NUP210L: variants seen among roughly 807,000 people sequenced by gnomAD.
NUP210L encodes nuclear pore membrane glycoprotein 210-like.
NUP210L carries 74 observed loss-of-function variants against 208.5 expected under a neutral mutation model. The observed-to-expected ratio is 0.35, with a 90% CI of 0.29 to 0.43. The LOEUF (loss-of-function observed/expected upper bound fraction) is 0.43, where lower values mean the gene tolerates loss of function less well. Ranked by LOEUF, NUP210L falls within the 20% of genes least tolerant of loss-of-function variation. The pLI is 1.00. For synonymous variants in NUP210L, 780 were observed against 816.9 expected (o/e 0.95, Z 0.77); for missense variants, 1,843 against 2,289.4 (o/e 0.81, Z 3.98).
At chr1:154,052,361 C>G (rs1330574271) in intron 25 of NUP210L, among the ~76,000 whole-genome samples, 1 of 152,160 alleles carries the variant, frequency 6.6e-6, no homozygotes, top group Non-Finnish European at 1.5e-5. Context: ...CTGGTTGCAG[C>G]CATGTCAAGA....
chr1:154,068,836 A>G (rs555137815), intron 17 of NUP210L, among the ~76,000 whole-genome samples: 203 of 151,934 alleles, frequency 1.3e-3, no homozygotes, highest in African/African-American at 4.8e-3. Context: ...GGGGTGGGGG[A>G]AGGGGGGAGG....
At chr1:154,091,647 C>G (rs1243310702) in intron 15 of NUP210L, among the ~76,000 whole-genome samples, 5 of 151,272 alleles carry the variant, frequency 3.3e-5, no homozygotes, top group Non-Finnish European at 7.4e-5. Flanking sequence ...ATTACAGGTG[C>G]CCACCACCAC....
intron 27 of NUP210L, among the ~76,000 whole-genome samples, chr1:154,031,073 C>T (rs1440310873): frequency 6.6e-6 from 1 of 151,978 alleles, no homozygotes; most frequent in African/African-American, 2.4e-5. Flanking sequence ...GTTACAGACA[C>T]AATTATACTC....
At chr1:154,136,447 G>A (rs997999455) in intron 6 of NUP210L, among the ~76,000 whole-genome samples, 8 of 150,016 alleles carry the variant, frequency 5.3e-5, no homozygotes, top group Non-Finnish European at 8.9e-5. Flanking sequence ...GCATAACTCC[G>A]TCTCAAAATA....
intron 33 of NUP210L, among the ~76,000 whole-genome samples, chr1:154,014,435 A>ACT (rs1257675056): frequency 6.6e-6 from 1 of 151,212 alleles, no homozygotes; most frequent in East Asian, 1.9e-4. Context: ...TTTTTCTAGT[A>ACT]CTCTTTTCAT....
In NUP210L at chr1:154,140,350, CA is replaced by C. The variant is rs375907073; in HGVS notation, c.567-399del. 8.9e-3 allele frequency among the ~76,000 whole-genome samples: 634 copies of C among 71,568 alleles called. 5 individuals are homozygous for C. The highest frequency in any genetic ancestry group is 0.027 in the African/African-American group (477 of 17,696). The allele number at this position is 71,568 out of a possible 152,430, so 47.0% of individuals were successfully genotyped here. ...TGGGTGACAGAGCAAGACTCCGTCTCAAAAAAAAAAAAAAAAGAAAAAGAAA... is the reference window on the plus strand; with the variant it reads ...TGGGTGACAGAGCAAGACTCCGTCTCAAAAAAAAAAAAAAAGAAAAAGAAA... On this transcript the variant is annotated intron_variant, in intron 4 of 39. Coordinates refer to ENST00000368559, the Ensembl canonical transcript of NUP210L.
chr1:154,154,740 C>T, intron 1 of NUP210L, 102 bp downstream of exon 1: 4 of 929,722 alleles, frequency 4.3e-6, no homozygotes, highest in Non-Finnish European at 6.8e-6. Context: ...CCCCTTCACG[C>T]GGCCCCACAC....
At chr1:154,114,775 A>C (rs897357695) in intron 12 of NUP210L, among the ~76,000 whole-genome samples, 4 of 70,308 alleles carry the variant, frequency 5.7e-5, no homozygotes, top group Non-Finnish European at 1.1e-4. Context: ...TTTTTTTAAG[A>C]GATGGGGGGG....
At chr1:154,119,271 G>C (rs1257936385) in intron 10 of NUP210L, among the ~76,000 whole-genome samples, 1 of 152,082 alleles carries the variant, frequency 6.6e-6, no homozygotes, top group Non-Finnish European at 1.5e-5. Flanking sequence ...CTCATATATA[G>C]AGGGCCAACT....
rs1372698605 is a variant in NUP210L at position 154,139,683 on chromosome 1, C to CA, written c.717+118dup. On this transcript the variant is annotated intron_variant, in intron 5 of 39. Transcript: ENST00000368559. ...GTCTGTCTCTACAAAAACAAACAAA[C>CA]AAACAAAAAAAAAAAAAAAACAGGG... is the stretch of plus-strand genomic sequence containing the variant. 205 of 761,306 alleles carry CA rather than the reference C, an allele frequency of 2.7e-4. No individual in the cohort carries two copies. The East Asian group carries it at 5.0e-3, about 19-fold the overall frequency. 47.2% of individuals were successfully genotyped at this position (761,306 alleles called of 1,614,324 possible). A position where few individuals can be genotyped will look rare whatever the true frequency, so the allele number is the denominator to read the frequency against.
chr1:154,025,118 A>T (rs1456199563), intron 30 of NUP210L, among the ~76,000 whole-genome samples: 1 of 149,886 alleles, frequency 6.7e-6, no homozygotes, highest in Admixed American at 6.7e-5. Context: ...TTAGTAGAGA[A>T]GGGGTTTCAC....
At chr1:154,070,521 G>A in intron 16 of NUP210L, 56 bp from the exon 17 acceptor site, 1 of 1,147,366 alleles carries the variant, frequency 8.7e-7, no homozygotes. Flanking sequence ...AGCCTAAGGG[G>A]TAGTAAGATA....
chr1:154,070,251 G>T lies in NUP210L; in HGVS notation c.2554+22C>A, dbSNP rs368108620. 2.0e-5 allele frequency: 30 copies of T among 1,526,140 alleles called. No individual in the cohort carries two copies. In the South Asian group the frequency reaches 2.3e-4, roughly 12 times the overall value. 94.5% of individuals were successfully genotyped at this position (1,526,140 alleles called of 1,614,324 possible). A position where few individuals can be genotyped will look rare whatever the true frequency, so the allele number is the denominator to read the frequency against. On this transcript the variant is annotated intron_variant, in intron 17 of 39. Transcript: ENST00000368559. ...AAAAAAACACTCAGGTATATGAAAA[G>T]ACTTGTATATTTTCACAATACCATG... is the stretch of plus-strand genomic sequence containing the variant.
At chr1:154,120,465 C>T (rs1011026882) in intron 10 of NUP210L, among the ~76,000 whole-genome samples, 2 of 151,728 alleles carry the variant, frequency 1.3e-5, no homozygotes, top group East Asian at 1.9e-4. Context: ...CATCACACCC[C>T]GGAGCCTGTC....
At chr1:154,071,614 C>T (rs935000837) in intron 16 of NUP210L, among the ~76,000 whole-genome samples, 3 of 148,514 alleles carry the variant, frequency 2.0e-5, no homozygotes, top group African/African-American at 7.4e-5. Flanking sequence ...CTGCAAATAC[C>T]ATCAATTCAT....
intron 13 of NUP210L, among the ~76,000 whole-genome samples, chr1:154,103,707 C>T (rs1042030428): frequency 6.7e-6 from 1 of 149,950 alleles, no homozygotes; most frequent in African/African-American, 2.4e-5. Flanking sequence ...AAAACAAAAG[C>T]GAGACACTGT....
At position 154,117,733 on chromosome 1, in the gene NUP210L, C is replaced by T. The variant is rs1657401291; in HGVS notation, c.1612G>A (p.Glu538Lys). ...TCTGGAGAGTCGTTTACCTTAATTT[C>T]TCCATATCGAAAGGGATTTTGTACA... The change falls in exon 12 of 40, where the codon GAA becomes AAA. Residue 538 changes from glutamate to lysine, a missense_variant. Transcript: ENST00000368559. 3.0e-6 allele frequency: 4 copies of T among 1,350,190 alleles called. No individual in the cohort carries two copies. In the South Asian group the frequency reaches 3.5e-5, roughly 12 times the overall value. 83.6% of individuals were successfully genotyped at this position (1,350,190 alleles called of 1,614,324 possible).
Position 154,050,582 on chromosome 1 carries a change from T to C in NUP210L, c.3483+3646A>G, listed in dbSNP as rs1426009555. 2.0e-5 allele frequency among the ~76,000 whole-genome samples: 3 copies of C among 152,196 alleles called. No homozygotes were observed. The East Asian group carries it at 5.8e-4, about 29-fold the overall frequency. ...TCAAATTGCTACCTATGATAGGAAA[T>C]GGGAGAACTCAGATTGTCAAATTAC... On this transcript the variant is annotated intron_variant, in intron 25 of 39. Coordinates refer to ENST00000368559, the Ensembl canonical transcript of NUP210L.
chr1:154,052,754 T>A (rs1242348170), intron 25 of NUP210L, among the ~76,000 whole-genome samples: 2 of 152,216 alleles, frequency 1.3e-5, no homozygotes, highest in Non-Finnish European at 2.9e-5. Context: ...GAATTGAATC[T>A]GGCCAGAAAT....
Sources: allele counts gnomAD v4.1 joint callset (sites outside exome capture counted in the v4.1 genomes callset), GRCh38; gene constraint gnomAD v4.1.1; transcripts MANE v1.5; gene names NCBI Gene and HGNC (gene_info 2026-07-23, HGNC 2026-07-21).